The following KNSTRN variants were observed in gnomAD, a reference collection of about 807,000 sequenced individuals.
KNSTRN encodes kinetochore localized astrin (SPAG5) binding protein, also known as small kinetochore-associated protein.
In KNSTRN, 38 loss-of-function variants were observed where a neutral mutation model predicts 44.7. The ratio of observed to expected loss-of-function variants is 0.85; its 90% confidence interval spans 0.66 to 1.11. The LOEUF (loss-of-function observed/expected upper bound fraction) is 1.11. Among genes scored for constraint, KNSTRN ranks in the 50% most tolerant of loss-of-function variants. The probability of loss-of-function intolerance (pLI) is 0.00; values close to 1 mark genes in which losing one functional copy is unlikely to be tolerated. For missense variants in KNSTRN, 406 were observed against 375.8 expected, an observed-to-expected ratio of 1.08 and a Z score of -0.66; for synonymous variants, 158 against 148.1, an observed-to-expected ratio of 1.07 and a Z score of -0.48.
Position 40,382,781 on chromosome 15 carries a change from T to C in KNSTRN, c.-55T>C. On this transcript the variant is annotated 5_prime_UTR_variant, in exon 1 of 9. Coordinates refer to ENST00000249776, the MANE Select transcript of KNSTRN (RefSeq NM_033286.4). ...TCCTCCTCTGCCCAGACCTGGGGGC[T>C]CCAACACCTTTCGCTAGGTCTGGCT... The C allele has an allele frequency of 6.6e-7, 1 of 1,519,746 alleles. No individual in the cohort carries two copies. The highest frequency in any genetic ancestry group is 1.2e-5 in the South Asian group (1 of 85,316). The allele number at this position is 1,519,746 out of a possible 1,614,324, so 94.1% of individuals were successfully genotyped here. A position where few individuals can be genotyped will look rare whatever the true frequency, so the allele number is the denominator to read the frequency against.
At position 40,382,869 on chromosome 15, in the gene KNSTRN, G is replaced by GT; in HGVS notation, c.38dup (p.Arg14ProfsTer17). ...TCCCGAAGCCCCGCCCCTGGACAGAGTTTTCCGTACAACATGGCTGTCTAC... is the reference window on the plus strand; with the variant it reads ...TCCCGAAGCCCCGCCCCTGGACAGAGTTTTTCCGTACAACATGGCTGTCTAC... On this transcript the variant is annotated frameshift_variant, in exon 1 of 9. Transcript: ENST00000249776. LOFTEE classifies it high-confidence loss of function. The GT allele has an allele frequency of 6.2e-7, 1 of 1,612,206 alleles. No individual in the cohort carries two copies.
At chr15:40,389,357 G>A in intron 4 of KNSTRN, 149 bp from the exon 5 acceptor site, 1 of 613,654 alleles carries the variant, frequency 1.6e-6, no homozygotes, top group Non-Finnish European at 2.9e-6. Context: ...TCTTATCTTG[G>A]TCAGGCTGGT....
chr15:40,389,155 T>C (rs1336771774), intron 4 of KNSTRN: 3 of 454,104 alleles, frequency 6.6e-6, no homozygotes, highest in African/African-American at 6.0e-5. Context: ...TTTTCTTTCT[T>C]TTTTTTTTAG....
intron 3 of KNSTRN, chr15:40,386,818 C>T: frequency 2.0e-6 from 1 of 508,966 alleles, no homozygotes; most frequent in Non-Finnish European, 3.6e-6. Context: ...TAGGTTGCTG[C>T]TCTGACCACA....
intron 2 of KNSTRN, among the ~76,000 whole-genome samples, chr15:40,385,242 A>T (rs1280689278): frequency 1.3e-5 from 2 of 152,194 alleles, no homozygotes; most frequent in Non-Finnish European, 2.9e-5. Context: ...AACTCCAGAT[A>T]AGTTACTTGA....
intron 4 of KNSTRN, 103 bp downstream of exon 4, chr15:40,387,309 G>C (rs1889919865): frequency 2.0e-6 from 2 of 997,516 alleles, no homozygotes; most frequent in Non-Finnish European, 3.2e-6. Context: ...ACTGTGTTAG[G>C]GTCTGGGTTC....
intron 7 of KNSTRN, 66 bp downstream of exon 7, chr15:40,391,620 G>A (rs1391522945): frequency 1.4e-5 from 19 of 1,317,108 alleles, no homozygotes; most frequent in East Asian, 4.6e-5. Flanking sequence ...ATCTAAGAAG[G>A]TCTCTGCTAT....
intron 6 of KNSTRN, among the ~76,000 whole-genome samples, chr15:40,390,273 T>C (rs895431082): frequency 2.6e-5 from 4 of 152,256 alleles, no homozygotes; most frequent in Non-Finnish European, 5.9e-5. Context: ...GGAAAGTTAC[T>C]AGTGTGCTTG....
Position 40,389,874 on chromosome 15 carries a change from G to A in KNSTRN, c.630G>A (p.Leu210=), listed in dbSNP as rs1334146190. 20 of 1,614,164 alleles carry A rather than the reference G, an allele frequency of 1.2e-5. No homozygotes were observed. The highest frequency in any genetic ancestry group is 1.5e-5 in the Non-Finnish European group (18 of 1,179,996). ...ACCTGACCCAGAAGGTAGAGCTGCT[G>A]GAGAAGTTTCGGGACAACTGTTTGG... ...LKDLTQKVEL[L]EKFRDNCLAI... The change falls in exon 6 of 9, where the codon CTG becomes CTA. Residue 210 remains leucine, a synonymous_variant. Transcript: ENST00000249776.
chr15:40,392,531 A>G (rs777499510), intron 8 of KNSTRN, among the ~76,000 whole-genome samples: 12 of 152,212 alleles, frequency 7.9e-5, no homozygotes, highest in Admixed American at 7.9e-4. Context: ...TCTACAAAAT[A>G]AAATTTAGAA....
intron 6 of KNSTRN, 65 bp from the exon 7 acceptor site, chr15:40,391,428 T>G: frequency 7.6e-7 from 1 of 1,316,488 alleles, no homozygotes; most frequent in African/African-American, 1.4e-5. Flanking sequence ...CACGGAGGGT[T>G]TTTATTTTCT....
rs61739399 is a variant in KNSTRN, at chr15:40,389,878, A to G, written c.634A>G (p.Lys212Glu). The change falls in exon 6 of 9, where the codon AAG (lysine) becomes GAG (glutamate). Residue 212 changes from lysine to glutamate, a missense_variant. Coordinates refer to ENST00000249776, the MANE Select transcript of KNSTRN (RefSeq NM_033286.4). ...DLTQKVELLEKFRDNCLAILE... is the reference protein window; with the variant it reads ...DLTQKVELLEEFRDNCLAILE... ...GACCCAGAAGGTAGAGCTGCTGGAG[A>G]AGTTTCGGGACAACTGTTTGGCAAT... 5.4e-4 allele frequency: 871 copies of G among 1,614,166 alleles called. 4 individuals carry two copies. In the African/African-American group the frequency reaches 0.01, roughly 19 times the overall value.
Position 40,391,508 on chromosome 15 carries a change from C to A in KNSTRN, c.701C>A (p.Thr234Asn). The A allele has an allele frequency of 6.2e-7, 1 of 1,613,894 alleles. No homozygotes were observed. Among genetic ancestry groups the A allele is most frequent in the Non-Finnish European group, 8.5e-7 (1 of 1,179,846 alleles). ...TATCCATCAGCTTTAGGCAGTGAGA[C>A]CCTGGCATCACGACAAGAATCCACT... ...KGLDPALGSE[T>N]LASRQESTTD... The change falls in exon 7 of 9, where the codon ACC becomes AAC. Residue 234 changes from threonine (T) to asparagine (N), a missense_variant. Coordinates refer to ENST00000249776, the MANE Select transcript of KNSTRN (RefSeq NM_033286.4).
intron 5 of KNSTRN, 111 bp from the exon 6 acceptor site, chr15:40,389,724 AG>A: frequency 1.5e-6 from 2 of 1,308,462 alleles, no homozygotes; most frequent in Non-Finnish European, 1.1e-6. Context: ...GCCCAAGGGC[AG>A]AAAAAAAAAG....
At chr15:40,388,779 C>T (rs776261796) in intron 4 of KNSTRN, among the ~76,000 whole-genome samples, 55 of 152,236 alleles carry the variant, frequency 3.6e-4, no homozygotes, top group African/African-American at 1.2e-3. Flanking sequence ...AACCCACAAC[C>T]TTCCAGCATG....
Position 40,393,582 on chromosome 15 carries a change from G to A in KNSTRN, c.936G>A (p.Gln312=), listed in dbSNP as rs778725206. ...CAACAGCCCTTAAGGAAATGGAGCA[G>A]CTATTAGAAATGTAAGAAGAAGCAA... ...DLTTALKEME[Q]LLEM The change falls in exon 9 of 9, where the codon CAG becomes CAA. Residue 312 remains glutamine, a synonymous_variant. Coordinates refer to ENST00000249776, the MANE Select transcript of KNSTRN (RefSeq NM_033286.4). 4 of 1,613,450 alleles carry A rather than the reference G, an allele frequency of 2.5e-6. No homozygotes were observed. The Admixed American group carries it at 5.0e-5, about 20-fold the overall frequency.
chr15:40,386,073 T>G (rs1455893612), intron 2 of KNSTRN, among the ~76,000 whole-genome samples: 1 of 152,144 alleles, frequency 6.6e-6, no homozygotes, highest in Admixed American at 6.5e-5. Flanking sequence ...CTGTCTCTAT[T>G]TTTAAAATTT....
At chr15:40,386,318 C>G (rs185924013) in intron 2 of KNSTRN, 44 bp from the exon 3 acceptor site, 3 of 1,593,702 alleles carry the variant, frequency 1.9e-6, no homozygotes, top group Non-Finnish European at 2.6e-6. Flanking sequence ...TTGCAACTGT[C>G]GGGTCATGAT....
intron 2 of KNSTRN, chr15:40,384,373 C>T (rs943296437): frequency 2.8e-5 from 10 of 363,370 alleles, no homozygotes; most frequent in Non-Finnish European, 2.8e-5. Flanking sequence ...GACTCCGTCT[C>T]AAAAAAAAAA....
Sources: allele counts gnomAD v4.1 joint callset (sites outside exome capture counted in the v4.1 genomes callset), GRCh38; gene constraint gnomAD v4.1.1; transcripts MANE v1.5; gene names NCBI Gene and HGNC (gene_info 2026-07-23, HGNC 2026-07-21).